The following ABCF1 variants were observed in gnomAD, a reference collection of about 807,000 sequenced individuals.
The protein encoded by ABCF1 is ATP-binding cassette sub-family F member 1.
Under a neutral mutation model 126.3 loss-of-function variants are expected in ABCF1, and 73 were observed. The ratio of observed to expected loss-of-function variants is 0.58; its 90% CI spans 0.48 to 0.70. ABCF1 has a LOEUF of 0.70. ABCF1 is among the 30% of genes least tolerant of loss of function. The pLI is 0.00. For synonymous variants in ABCF1, 345 were observed against 396.4 expected, an observed-to-expected ratio of 0.87 and a Z score of 1.54; for missense variants, 786 against 1,057.5, an observed-to-expected ratio of 0.74 and a Z score of 3.56.
At chr6:30,588,634 C>T (rs1488400487) in intron 20 of ABCF1, among the ~76,000 whole-genome samples, 1 of 152,046 alleles carries the variant, frequency 6.6e-6, no homozygotes, top group African/African-American at 2.4e-5. Context: ...GCTGGGATTA[C>T]AGGTGTGAGC....
chr6:30,584,639 T>C lies in ABCF1; in HGVS notation c.1391+73T>C, dbSNP rs959936925. 2 of 1,512,794 alleles carry C rather than the reference T, an allele frequency of 1.3e-6. No individual in the cohort carries two copies. The highest frequency in any genetic ancestry group is 2.8e-5 in the African/African-American group (2 of 72,232). 93.7% of individuals were successfully genotyped at this position (1,512,794 alleles called of 1,614,324 possible). A position where few individuals can be genotyped will look rare whatever the true frequency, so the allele number is the denominator to read the frequency against. ...GGCCCTTTTCCTCTTTCCCTTCTCA[T>C]TCTTCCAAGGCCAATAGGGAGGCTC... On this transcript the variant is annotated intron_variant, in intron 14 of 24. Transcript: ENST00000326195. This position sits in a 1 kb window ranked among gnomAD's most constrained non-coding sequence, Gnocchi z 4.6.
At chr6:30,571,853 A>G (rs545017801) in intron 1 of ABCF1, among the ~76,000 whole-genome samples, 26 of 152,184 alleles carry the variant, frequency 1.7e-4, no homozygotes, top group African/African-American at 6.3e-4. Context: ...TGCTTAAAAA[A>G]TTTGGACATC....
Position 30,586,095 on chromosome 6 carries a change from G to A in ABCF1, c.1714-39G>A, listed in dbSNP as rs374806353. On this transcript the variant is annotated intron_variant, in intron 17 of 24. Coordinates refer to ENST00000326195, the MANE Select transcript of ABCF1 (RefSeq NM_001025091.2). This position sits in a 1 kb window ranked among gnomAD's most constrained non-coding sequence, Gnocchi z 4.9. ...TGGCCTACATTTCAAGGACTGCCGC[G>A]CAGGGCTCAGGTTTCTCTTTTTTCC... The A allele has an allele frequency of 4.0e-5, 64 of 1,604,304 alleles. No homozygotes were observed. Among genetic ancestry groups the A allele is most frequent in the Non-Finnish European group, 5.4e-5 (63 of 1,176,198 alleles).
At chr6:30,579,671 T>A (rs1264352538) in intron 6 of ABCF1, among the ~76,000 whole-genome samples, 1 of 151,990 alleles carries the variant, frequency 6.6e-6, no homozygotes, top group Non-Finnish European at 1.5e-5. Flanking sequence ...TTGACCAGGA[T>A]GGTCTCGATC....
At position 30,571,502 on chromosome 6, in the gene ABCF1, C is replaced by A. The variant is rs763887332; in HGVS notation, c.15C>A (p.Pro5=). ...CTGCCACCGCGATGCCGAAGGCGCC[C>A]AAGCAGCAGCCGCCGGAGCCCGAGT... is the stretch of plus-strand genomic sequence containing the variant. MPKA[P]KQQPPEPEWI... is the part of the protein sequence containing the mutation. The change falls in exon 1 of 25, where the codon CCC becomes CCA. Residue 5 remains proline, a synonymous_variant. Coordinates refer to ENST00000326195, the MANE Select transcript of ABCF1 (RefSeq NM_001025091.2). The A allele has an allele frequency of 6.2e-7, 1 of 1,611,032 alleles. No homozygotes were observed. Among genetic ancestry groups the A allele is most frequent in the Non-Finnish European group, 8.5e-7 (1 of 1,179,450 alleles).
chr6:30,571,685 G>C, intron 1 of ABCF1, 125 bp downstream of exon 1: 1 of 1,075,730 alleles, frequency 9.3e-7, no homozygotes. Context: ...GCGCATGCGT[G>C]CCGTGGGCCC....
At chr6:30,588,437 C>T (rs570308621) in intron 20 of ABCF1, among the ~76,000 whole-genome samples, 32 of 152,072 alleles carry the variant, frequency 2.1e-4, no homozygotes, top group Non-Finnish European at 3.5e-4. Flanking sequence ...TCTTGGCTCA[C>T]TGCAACCTCC....
intron 8 of ABCF1, among the ~76,000 whole-genome samples, 176 bp from the exon 9 acceptor site, chr6:30,582,218 G>A (rs186870566): frequency 2.9e-4 from 44 of 152,100 alleles, no homozygotes; most frequent in East Asian, 3.9e-4. Flanking sequence ...CACCACGTCC[G>A]GCTAATTTTT....
In ABCF1 at chr6:30,571,514, G is replaced by A; in HGVS notation, c.27G>A (p.Pro9=). MPKAPKQQ[P]PEPEWIGDGE... ...TGCCGAAGGCGCCCAAGCAGCAGCCGCCGGAGCCCGAGTGGATCGGGGACG... is the reference window on the plus strand; with the variant it reads ...TGCCGAAGGCGCCCAAGCAGCAGCCACCGGAGCCCGAGTGGATCGGGGACG... The change falls in exon 1 of 25, where the codon CCG becomes CCA. Residue 9 remains proline, a synonymous_variant. Coordinates refer to ENST00000326195, the MANE Select transcript of ABCF1 (RefSeq NM_001025091.2). 2.5e-6 allele frequency: 4 copies of A among 1,611,290 alleles called. No homozygotes were observed. Among genetic ancestry groups the A allele is most frequent in the African/African-American group, 1.3e-5 (1 of 75,012 alleles).
At position 30,577,344 on chromosome 6, in the gene ABCF1, C is replaced by T. The variant is rs539851619; in HGVS notation, c.74-65C>T. 7.3e-6 allele frequency: 11 copies of T among 1,499,132 alleles called. No individual in the cohort carries two copies. In the African/African-American group the frequency reaches 1.2e-4, roughly 17 times the overall value. 92.9% of individuals were successfully genotyped at this position (1,499,132 alleles called of 1,614,324 possible). Reference sequence around the variant, plus strand: ...AGGATAGAGGCTACAGAGATCTTTGCAGGGGGGATCAGACTGCTTTGGAAT... The same window carrying T: ...AGGATAGAGGCTACAGAGATCTTTGTAGGGGGGATCAGACTGCTTTGGAAT... On this transcript the variant is annotated intron_variant, in intron 1 of 24. Coordinates refer to ENST00000326195, the MANE Select transcript of ABCF1 (RefSeq NM_001025091.2).
At position 30,577,395 on chromosome 6, in the gene ABCF1, G is replaced by A. The variant is rs769846380; in HGVS notation, c.74-14G>A. 21 of 1,613,622 alleles carry A rather than the reference G, an allele frequency of 1.3e-5. No homozygotes were observed. Among genetic ancestry groups the A allele is most frequent in the Middle Eastern group, 1.6e-4 (1 of 6,084 alleles). ...TTGCAGATAAGCATTCACGATGTCCGCTTAACTTTCTAGACAAAGTGGTGA... is the reference window on the plus strand; with the variant it reads ...TTGCAGATAAGCATTCACGATGTCCACTTAACTTTCTAGACAAAGTGGTGA... On this transcript the variant is annotated splice_polypyrimidine_tract_variant and intron_variant, in intron 1 of 24. Coordinates refer to ENST00000326195, the MANE Select transcript of ABCF1 (RefSeq NM_001025091.2).
Position 30,577,917 on chromosome 6 carries a change from C to G in ABCF1, c.216+4C>G. ...GCAGCAGCAACAGCAACAGCAGGTA[C>G]AAGTGCCACAGGGCCCACCAATCCT... On this transcript the variant is annotated splice_donor_region_variant and intron_variant, in intron 3 of 24. Transcript: ENST00000326195. The G allele has an allele frequency of 6.2e-7, 1 of 1,613,916 alleles. No individual in the cohort carries two copies. The highest frequency in any genetic ancestry group is 1.1e-5 in the South Asian group (1 of 91,084).
At chr6:30,585,386 T>C in intron 15 of ABCF1, 43 bp downstream of exon 15, 1 of 1,600,446 alleles carries the variant, frequency 6.2e-7, no homozygotes, top group Non-Finnish European at 8.6e-7. Context: ...TTCTGCACTT[T>C]CTTCCCCTTC....
At position 30,586,594 on chromosome 6, in the gene ABCF1, G is replaced by A. The variant is rs1247581511; in HGVS notation, c.1960+46G>A. On this transcript the variant is annotated intron_variant, in intron 19 of 24. Coordinates refer to ENST00000326195, the MANE Select transcript of ABCF1 (RefSeq NM_001025091.2). This position sits in a 1 kb window ranked among gnomAD's most constrained non-coding sequence, Gnocchi z 4.9. ...CAGGGATGTGTAGCAGGAGCCACAG[G>A]GAGAGTCTCTGGGGACCTCTTTGAC... 6.2e-7 allele frequency: 1 copy of A among 1,612,964 alleles called. No individual in the cohort carries two copies. Among genetic ancestry groups the A allele is most frequent in the Non-Finnish European group, 8.5e-7 (1 of 1,179,770 alleles).
chr6:30,581,706 T>C (rs1801824692), intron 8 of ABCF1, among the ~76,000 whole-genome samples: 1 of 152,014 alleles, frequency 6.6e-6, no homozygotes, highest in Non-Finnish European at 1.5e-5. Context: ...CCCGGACGGC[T>C]ACCTGATCTT....
intron 2 of ABCF1, 33 bp from the exon 3 acceptor site, chr6:30,577,785 A>G: frequency 1.9e-6 from 3 of 1,608,356 alleles, no homozygotes; most frequent in Non-Finnish European, 2.6e-6. Context: ...GCTCTTGGAA[A>G]CATGTTTACC....
chr6:30,586,220 GCTC>G lies in ABCF1; in HGVS notation c.1803_1805del (p.Leu602del). 1 of 1,614,058 alleles carries G rather than the reference GCTC, an allele frequency of 6.2e-7. No homozygotes were observed. The highest frequency in any genetic ancestry group is 8.5e-7 in the Non-Finnish European group (1 of 1,179,970). On this transcript the variant is annotated inframe_deletion, in exon 18 of 25. Transcript: ENST00000326195. This position sits in a 1 kb window ranked among gnomAD's most constrained non-coding sequence, Gnocchi z 4.9. Reference sequence around the variant, plus strand: ...ATGAGGAATCCCAGGAGGCCCCTGAGCTCCTGAAGCGCCCTAAGGAGTACACTG... The same window carrying G: ...ATGAGGAATCCCAGGAGGCCCCTGAGCTGAAGCGCCCTAAGGAGTACACTG...
chr6:30,580,229 C>A (rs1417477327), intron 7 of ABCF1, among the ~76,000 whole-genome samples, 177 bp from the exon 8 acceptor site: 2 of 151,912 alleles, frequency 1.3e-5, no homozygotes, highest in East Asian at 3.9e-4. Flanking sequence ...CGCCTGTAGT[C>A]CCAGCTACTC....
chr6:30,583,292 A>G lies in ABCF1; in HGVS notation c.915+104A>G. On this transcript the variant is annotated intron_variant, in intron 10 of 24. Coordinates refer to ENST00000326195, the MANE Select transcript of ABCF1 (RefSeq NM_001025091.2). The surrounding 1 kb of genome is among the most constrained non-coding windows in gnomAD (Gnocchi z 4.1). ...TGTGTGAATGGGTTAGTTCAGTGGGAAGAAAGATTGGAGGCATTTTCCACA... is the reference window on the plus strand; with the variant it reads ...TGTGTGAATGGGTTAGTTCAGTGGGGAGAAAGATTGGAGGCATTTTCCACA... 1 of 1,453,648 alleles carries G rather than the reference A, an allele frequency of 6.9e-7. No individual in the cohort carries two copies. Among genetic ancestry groups the G allele is most frequent in the South Asian group, 1.3e-5 (1 of 74,212 alleles). 90.0% of individuals were successfully genotyped at this position (1,453,648 alleles called of 1,614,324 possible).
Sources: gnomAD v4.1 joint callset for allele counts (sites outside exome capture counted in the v4.1 genomes callset) on GRCh38, gnomAD v4.1.1 for gene constraint, Gnocchi (gnomAD v3.1) non-coding constraint, MANE v1.5 for transcripts, NCBI Gene and HGNC (gene_info 2026-07-23, HGNC 2026-07-21) for gene names.